The following PLXNA4 variants were observed in gnomAD, a reference collection of about 807,000 sequenced individuals.
The protein encoded by PLXNA4 is plexin A4.
Under a neutral mutation model 191.8 loss-of-function variants are expected in PLXNA4, and 44 were observed. That is an observed-to-expected ratio of 0.23 (90% CI 0.18 to 0.29). The LOEUF is 0.29. Ranked by LOEUF, PLXNA4 falls within the 10% of genes least tolerant of loss-of-function variation. PLXNA4 has a pLI of 1.00. For missense variants in PLXNA4, 1,800 were observed against 2,488.8 expected (o/e 0.72, Z 5.89); for synonymous variants, 1,082 against 1,009.5 (o/e 1.07, Z -1.36).
chr7:132,393,449 C>T (rs1249819013), intron 3 of PLXNA4, among the ~76,000 whole-genome samples: 2 of 152,182 alleles, frequency 1.3e-5, no homozygotes, highest in East Asian at 3.9e-4. Flanking sequence ...AACAGCCCCA[C>T]ATATGAACCT....
intron 2 of PLXNA4, among the ~76,000 whole-genome samples, chr7:132,613,983 T>C (rs954885150): frequency 5.3e-5 from 8 of 152,116 alleles, no homozygotes; most frequent in African/African-American, 1.9e-4. Flanking sequence ...AGGTGGAAGA[T>C]GGGGAGACCT....
intron 1 of PLXNA4, among the ~76,000 whole-genome samples, chr7:132,543,344 C>T (rs1046698373): frequency 6.6e-6 from 1 of 152,176 alleles, no homozygotes; most frequent in Non-Finnish European, 1.5e-5. Flanking sequence ...CTGATGCTGT[C>T]AAATGCATTG....
chr7:132,531,955 G>A (rs552904688), intron 1 of PLXNA4, among the ~76,000 whole-genome samples: 28 of 152,264 alleles, frequency 1.8e-4, no homozygotes, highest in East Asian at 1.5e-3. Context: ...TTACAGATGC[G>A]GTAACTCAAA....
At chr7:132,636,489 T>C (rs1368379338) in intron 2 of PLXNA4, among the ~76,000 whole-genome samples, 2 of 151,606 alleles carry the variant, frequency 1.3e-5, no homozygotes, top group Non-Finnish European at 2.9e-5. Context: ...CCCCCAGGAG[T>C]GATTGGTTAT....
chr7:132,595,950 TTAA>T (rs1423654847), intron 2 of PLXNA4, among the ~76,000 whole-genome samples: 1 of 152,166 alleles, frequency 6.6e-6, no homozygotes, highest in Non-Finnish European at 1.5e-5. Context: ...CATAATAAAA[TTAA>T]TAATATTCCA....
chr7:132,445,503 A>G (rs1426897510), intron 3 of PLXNA4, among the ~76,000 whole-genome samples: 1 of 151,864 alleles, frequency 6.6e-6, no homozygotes, highest in Admixed American at 6.6e-5. Flanking sequence ...GGGGTACAGT[A>G]GATAAGAGAC....
chr7:132,580,136 C>G (rs1802375785), upstream of PLXNA4, among the ~76,000 whole-genome samples: 1 of 152,100 alleles, frequency 6.6e-6, no homozygotes, highest in African/African-American at 2.4e-5. Context: ...CTTTGAAACT[C>G]TAAGGTAGGT....
chr7:132,530,368 G>A (rs1799576353), intron 1 of PLXNA4, among the ~76,000 whole-genome samples: 2 of 152,150 alleles, frequency 1.3e-5, no homozygotes. Flanking sequence ...TCTGATAAGA[G>A]TCTAATATCC....
chr7:132,247,669 C>G (rs1055209218), intron 4 of PLXNA4, among the ~76,000 whole-genome samples: 1 of 152,178 alleles, frequency 6.6e-6, no homozygotes, highest in African/African-American at 2.4e-5. Context: ...CTTTGGTCAC[C>G]ACTGGCTGCC....
intron 5 of PLXNA4, among the ~76,000 whole-genome samples, chr7:132,239,276 G>A (rs1342582416): frequency 6.6e-6 from 1 of 152,172 alleles, no homozygotes; most frequent in Non-Finnish European, 1.5e-5. Flanking sequence ...TTGCAGCCCT[G>A]GGGGTGGGAG....
intron 1 of PLXNA4, among the ~76,000 whole-genome samples, chr7:132,547,972 T>C (rs553948380): frequency 3.9e-5 from 6 of 152,234 alleles, no homozygotes; most frequent in African/African-American, 1.4e-4. Flanking sequence ...ACACAGGCCC[T>C]GGGGAGTCTG....
At chr7:132,408,575 T>C (rs1173158474) in intron 3 of PLXNA4, among the ~76,000 whole-genome samples, 1 of 152,136 alleles carries the variant, frequency 6.6e-6, no homozygotes, top group African/African-American at 2.4e-5. Context: ...GTGATTCTTC[T>C]GCCTCAGCCT....
chr7:132,391,565 T>C (rs1793491194), intron 3 of PLXNA4, among the ~76,000 whole-genome samples: 1 of 152,074 alleles, frequency 6.6e-6, no homozygotes, highest in Non-Finnish European at 1.5e-5. Flanking sequence ...AGGAGAATCG[T>C]GTAGGGCAGA....
intron 22 of PLXNA4, among the ~76,000 whole-genome samples, chr7:132,167,070 T>C (rs1275276057): frequency 6.6e-6 from 1 of 152,064 alleles, no homozygotes; most frequent in Non-Finnish European, 1.5e-5. Context: ...AGACAGCACA[T>C]GAGTGGTCTA....
At chr7:132,410,300 G>A (rs1794400750) in intron 3 of PLXNA4, among the ~76,000 whole-genome samples, 1 of 151,584 alleles carries the variant, frequency 6.6e-6, no homozygotes, top group Non-Finnish European at 1.5e-5. Context: ...AAGCAGCACA[G>A]TGCCTTCCAT....
intron 2 of PLXNA4, among the ~76,000 whole-genome samples, chr7:132,634,952 G>T (rs1803567159): frequency 6.6e-6 from 1 of 152,050 alleles, no homozygotes; most frequent in Non-Finnish European, 1.5e-5. Flanking sequence ...TGCCAGTGTG[G>T]TTAGAATATA....
Position 132,486,619 on chromosome 7 carries a change from C to T in PLXNA4, c.1371+2673G>A, listed in dbSNP as rs75857709. ...CGGGAGGACCGAAGGCTCATTCCCCCCAACTGACCCTTGCGCTCTTACCTT... is the reference window on the plus strand; with the variant it reads ...CGGGAGGACCGAAGGCTCATTCCCCTCAACTGACCCTTGCGCTCTTACCTT... On this transcript the variant is annotated intron_variant, in intron 3 of 31. Transcript: ENST00000321063. Among the ~76,000 whole-genome samples, 111 of 152,352 alleles carry T rather than the reference C, an allele frequency of 7.3e-4. 1 individual carries two copies. Among genetic ancestry groups the T allele is most frequent in the African/African-American group, 2.5e-3 (102 of 41,588 alleles).
At chr7:132,130,831 C>T (rs1474467092) in intron 31 of PLXNA4, among the ~76,000 whole-genome samples, 4 of 152,130 alleles carry the variant, frequency 2.6e-5, no homozygotes, top group Non-Finnish European at 4.4e-5. Flanking sequence ...TGACTGTGTG[C>T]ATTCTACTGG....
At chr7:132,562,495 TCTC>T (rs1398504731) in intron 1 of PLXNA4, among the ~76,000 whole-genome samples, 2 of 69,860 alleles carry the variant, frequency 2.9e-5, no homozygotes, top group African/African-American at 6.2e-5. Flanking sequence ...TCTTCCTCTT[TCTC>T]CTCCTCCTCC....
Sources: gnomAD v4.1 joint callset for allele counts (sites outside exome capture counted in the v4.1 genomes callset) on GRCh38, gnomAD v4.1.1 for gene constraint, MANE v1.5 for transcripts, NCBI Gene and HGNC (gene_info 2026-07-23, HGNC 2026-07-21) for gene names.